The following ACSM3 variants were observed in gnomAD, a reference collection of about 807,000 sequenced individuals.
The protein encoded by ACSM3 is acyl-CoA synthetase medium chain family member 3, also known as acyl-coenzyme A synthetase ACSM3, mitochondrial.
In ACSM3, 61 loss-of-function variants were observed where a neutral mutation model predicts 74.1. The observed-to-expected ratio is 0.82, with a 90% CI of 0.67 to 1.02. ACSM3 has a LOEUF of 1.02. ACSM3 is among the 50% of genes least tolerant of loss of function. ACSM3 has a pLI of 0.00. For missense variants in ACSM3, 660 were observed against 697.0 expected, an observed-to-expected ratio of 0.95 and a Z score of 0.60; for synonymous variants, 213 against 241.5, an observed-to-expected ratio of 0.88 and a Z score of 1.09.
At chr16:20,771,117 G>A (rs926180082) in intron 2 of ACSM3, among the ~76,000 whole-genome samples, 2 of 152,170 alleles carry the variant, frequency 1.3e-5, no homozygotes, top group Admixed American at 6.5e-5. Context: ...GCTGGAGTGC[G>A]GTGGTGTGAT....
intron 1 of ACSM3, among the ~76,000 whole-genome samples, chr16:20,742,575 G>A (rs990073129): frequency 2.6e-5 from 4 of 151,616 alleles, no homozygotes; most frequent in African/African-American, 9.7e-5. Flanking sequence ...CTCGGGAAGC[G>A]GCGGTTGCAG....
chr16:20,727,842 C>G (rs2079812208), intron 1 of ACSM3, among the ~76,000 whole-genome samples: 1 of 152,118 alleles, frequency 6.6e-6, no homozygotes, highest in African/African-American at 2.4e-5. Flanking sequence ...TTCAAAGTGA[C>G]CAGTGGTCCC....
chr16:20,792,708 G>C (rs1246370403), intron 12 of ACSM3: 1 of 985,308 alleles, frequency 1.0e-6, no homozygotes, highest in Non-Finnish European at 1.2e-6. Context: ...GAGGTCCCTG[G>C]TGTAGTGAAG....
Position 20,797,046 on chromosome 16 carries a change from G to A in ACSM3, c.*74G>A. 1 of 1,551,074 alleles carries A rather than the reference G, an allele frequency of 6.4e-7. No individual in the cohort carries two copies. The highest frequency in any genetic ancestry group is 8.7e-7 in the Non-Finnish European group (1 of 1,154,324). Reference sequence around the variant, plus strand: ...AATCTCTAGAAACCACAAGATGATGGAGAGGTCATAAAAACTGTGGTAGTA... The same window carrying A: ...AATCTCTAGAAACCACAAGATGATGAAGAGGTCATAAAAACTGTGGTAGTA... On this transcript the variant is annotated 3_prime_UTR_variant, in exon 14 of 14. Transcript: ENST00000289416.
At chr16:20,697,757 G>A (rs940830997) in intron 1 of ACSM3, 2 of 152,288 alleles carry the variant, frequency 1.3e-5, no homozygotes, top group African/African-American at 2.4e-5. Flanking sequence ...GCACCCAGCA[G>A]AACTTGGCTT....
At chr16:20,793,278 G>C (rs1384773131) in intron 12 of ACSM3, among the ~76,000 whole-genome samples, 1 of 152,102 alleles carries the variant, frequency 6.6e-6, no homozygotes, top group Non-Finnish European at 1.5e-5. Flanking sequence ...AGACAAGCCT[G>C]GTCAACATGG....
chr16:20,707,375 A>G (rs993364024), intron 1 of ACSM3, among the ~76,000 whole-genome samples: 4 of 152,198 alleles, frequency 2.6e-5, no homozygotes, highest in African/African-American at 9.7e-5. Context: ...TCTCAGCTGC[A>G]GACTGGAGCA....
chr16:20,710,810 T>A (rs573179974), intron 1 of ACSM3, among the ~76,000 whole-genome samples: 1 of 151,984 alleles, frequency 6.6e-6, no homozygotes, highest in African/African-American at 2.4e-5. Flanking sequence ...TTAGGTCGAG[T>A]GCAGTGGCTC....
intron 2 of ACSM3, among the ~76,000 whole-genome samples, chr16:20,752,402 T>TG (rs2079995879): frequency 6.6e-6 from 1 of 152,224 alleles, no homozygotes; most frequent in South Asian, 2.1e-4. Context: ...TGCTGTTCCT[T>TG]GCCATTGTTT....
chr16:20,741,479 C>CGGGGGGGGGGGGGGGGG, intron 1 of ACSM3: 38 of 1,329,506 alleles, frequency 2.9e-5, no homozygotes, highest in East Asian at 6.2e-5. Context: ...GCCTGGCAGC[C>CGGGGGGGGGGGGGGGGG]GGCCCGCCCG....
intron 1 of ACSM3, among the ~76,000 whole-genome samples, chr16:20,740,951 G>A (rs2079913430): frequency 6.6e-6 from 1 of 152,178 alleles, no homozygotes; most frequent in African/African-American, 2.4e-5. Flanking sequence ...ACACCGCCTG[G>A]CCCTCAATGA....
At chr16:20,780,522 T>A in intron 4 of ACSM3, 192 bp from the exon 5 acceptor site, 1 of 1,154,146 alleles carries the variant, frequency 8.7e-7, no homozygotes, top group Non-Finnish European at 1.2e-6. Flanking sequence ...ATGACAAAGT[T>A]TAGTTTTGAT....
chr16:20,711,480 C>G lies in ACSM3; in HGVS notation c.-190+36658C>G, dbSNP rs74359436. The G allele has an allele frequency of 1.2e-4, 163 of 1,312,956 alleles. No homozygotes were observed. The East Asian group carries it at 3.1e-3, about 25-fold the overall frequency. The allele number at this position is 1,312,956 out of a possible 1,614,324, so 81.3% of individuals were successfully genotyped here. A position where few individuals can be genotyped will look rare whatever the true frequency, so the allele number is the denominator to read the frequency against. On this transcript the variant is annotated intron_variant, in intron 1 of 3. Coordinates refer to the ACSM3 transcript ENST00000561584. ...GTTTAGTGTCCTTCCCAGGGATTGT[C>G]TTCATGCCAGGAACAATCCAGCTGA...
At chr16:20,752,939 G>A (rs1305210492) in intron 2 of ACSM3, among the ~76,000 whole-genome samples, 1 of 151,940 alleles carries the variant, frequency 6.6e-6, no homozygotes, top group Non-Finnish European at 1.5e-5. Context: ...GAAACTACAC[G>A]GGACAGAAAA....
intron 1 of ACSM3, among the ~76,000 whole-genome samples, chr16:20,742,812 TA>T (rs796922418): frequency 0.31 from 15,757 of 50,560 alleles, 954 homozygotes; most frequent in Admixed American, 0.43. Context: ...TATATATATA[TA>T]TTTTTTTTTT....
chr16:20,705,276 G>A (rs1395372415), intron 1 of ACSM3, among the ~76,000 whole-genome samples: 1 of 152,058 alleles, frequency 6.6e-6, no homozygotes, highest in Non-Finnish European at 1.5e-5. Flanking sequence ...AGGAGGCTGA[G>A]GCAGGAGAAT....
At chr16:20,784,812 A>G (rs963930287) in intron 7 of ACSM3, among the ~76,000 whole-genome samples, 172 bp from the exon 8 acceptor site, 2 of 152,136 alleles carry the variant, frequency 1.3e-5, no homozygotes, top group African/African-American at 4.8e-5. Context: ...TAATTTGTGT[A>G]GGTACTTAGT....
chr16:20,711,575 TC>T, intron 1 of ACSM3: 1 of 1,382,294 alleles, frequency 7.2e-7, no homozygotes, highest in Non-Finnish European at 1.0e-6. Context: ...GAGGAGGTGG[TC>T]CCAGTAGTGG....
intron 1 of ACSM3, chr16:20,691,253 G>T (rs900825084): frequency 7.4e-5 from 100 of 1,357,540 alleles, no homozygotes; most frequent in Non-Finnish European, 9.8e-5. Flanking sequence ...GGGAAGAGAT[G>T]GCTAATAGAT....
Sources: allele counts gnomAD v4.1 joint callset (sites outside exome capture counted in the v4.1 genomes callset), GRCh38; gene constraint gnomAD v4.1.1; transcripts MANE v1.5; gene names NCBI Gene and HGNC (gene_info 2026-07-23, HGNC 2026-07-21).